The following PDE4D variants were observed in gnomAD, a reference collection of about 807,000 sequenced individuals.
PDE4D encodes the protein 3',5'-cyclic-AMP phosphodiesterase 4D.
PDE4D carries 24 observed loss-of-function variants against 87.4 expected under a neutral mutation model. The observed-to-expected ratio is 0.27, with a 90% confidence interval of 0.20 to 0.39. PDE4D has a LOEUF of 0.39. Among genes scored for constraint, PDE4D ranks in the 10% least tolerant of loss-of-function variants. PDE4D has a pLI of 1.00. For synonymous variants in PDE4D, 384 were observed against 383.2 expected (o/e 1.00, Z -0.02); for missense variants, 714 against 1,041.0 (o/e 0.69, Z 4.32).
chr5:59,671,270 T>C (rs1747150825), intron 1 of PDE4D, among the ~76,000 whole-genome samples: 1 of 152,024 alleles, frequency 6.6e-6, no homozygotes, highest in South Asian at 2.1e-4. Context: ...TCATCAGAGA[T>C]CCAAATAGCA....
intron 1 of PDE4D, among the ~76,000 whole-genome samples, chr5:60,211,219 C>T (rs925847086): frequency 2.0e-5 from 3 of 152,200 alleles, no homozygotes; most frequent in Non-Finnish European, 4.4e-5. Context: ...GGGACCCTCA[C>T]ATTAGCTCGT....
At chr5:60,137,088 G>A (rs1418510069) in intron 2 of PDE4D, among the ~76,000 whole-genome samples, 1 of 152,144 alleles carries the variant, frequency 6.6e-6, no homozygotes, top group Non-Finnish European at 1.5e-5. Flanking sequence ...ACATTAATTT[G>A]CTAAGGATAG....
At chr5:59,025,203 A>G (rs1755977910) in intron 6 of PDE4D, among the ~76,000 whole-genome samples, 1 of 152,202 alleles carries the variant, frequency 6.6e-6, no homozygotes, top group Admixed American at 6.5e-5. Flanking sequence ...CTCTTTATTA[A>G]AAACTGTGAT....
intron 6 of PDE4D, among the ~76,000 whole-genome samples, chr5:58,998,707 T>C (rs1431372833): frequency 6.6e-6 from 1 of 152,102 alleles, no homozygotes; most frequent in African/African-American, 2.4e-5. Context: ...AGAAAATGAA[T>C]CTTTTAAAAT....
At chr5:60,440,951 T>A (rs1290680728) in intron 1 of PDE4D, among the ~76,000 whole-genome samples, 4 of 152,092 alleles carry the variant, frequency 2.6e-5, no homozygotes, top group Non-Finnish European at 5.9e-5. Flanking sequence ...GTTAAACATG[T>A]AGGAAATTAA....
intron 3 of PDE4D, among the ~76,000 whole-genome samples, chr5:59,923,190 A>G (rs908845502): frequency 6.6e-6 from 1 of 152,158 alleles, no homozygotes; most frequent in Non-Finnish European, 1.5e-5. Flanking sequence ...TCAGTCACGT[A>G]AAATAGAACA....
intron 1 of PDE4D, among the ~76,000 whole-genome samples, chr5:59,585,531 G>T (rs1023722610): frequency 6.6e-6 from 1 of 152,140 alleles, no homozygotes; most frequent in Non-Finnish European, 1.5e-5. Context: ...TTTCTGCTAT[G>T]AAAGTCAGAA....
At position 59,631,107 on chromosome 5, in the gene PDE4D, C is replaced by T. The variant is rs138979845; in HGVS notation, c.455+262061G>A. On this transcript the variant is annotated intron_variant, in intron 1 of 14. Transcript: ENST00000340635. ...ATTACTTTGAAGTACTTTTTGAGTA[C>T]TTATTTTGTACCAAGCACATGGCCA... is the stretch of plus-strand genomic sequence containing the variant. Among the ~76,000 whole-genome samples the T allele has an allele frequency of 2.0e-5, 3 of 152,208 alleles. No individual in the cohort carries two copies. In the East Asian group the frequency reaches 5.8e-4, roughly 29 times the overall value.
At chr5:60,203,175 T>C (rs914022252) in intron 1 of PDE4D, among the ~76,000 whole-genome samples, 1 of 152,182 alleles carries the variant, frequency 6.6e-6, no homozygotes, top group Non-Finnish European at 1.5e-5. Context: ...TTCATCATGT[T>C]GGCCAGGCTG....
At chr5:60,225,526 C>T (rs762522397) in intron 1 of PDE4D, among the ~76,000 whole-genome samples, 4 of 151,944 alleles carry the variant, frequency 2.6e-5, no homozygotes, top group Admixed American at 6.6e-5. Context: ...GCTTCTGTCT[C>T]TTACATTAGT....
intron 2 of PDE4D, among the ~76,000 whole-genome samples, chr5:60,042,352 G>A (rs13190681): frequency 0.15 from 23,378 of 152,188 alleles, 1,828 homozygotes; most frequent in Middle Eastern, 0.23. Context: ...CTGGGGGAAG[G>A]GGTGCCTGTA....
intron 2 of PDE4D, chr5:60,160,788 T>C (rs1782410251): frequency 2.2e-6 from 1 of 451,850 alleles, no homozygotes; most frequent in Non-Finnish European, 4.4e-6. Context: ...AGTATTCCTG[T>C]CTTCCTCTCC....
Position 59,515,614 on chromosome 5 carries a change from G to A in PDE4D, c.456-299646C>T, listed in dbSNP as rs74885343. On this transcript the variant is annotated intron_variant, in intron 1 of 14. Coordinates refer to ENST00000340635, the MANE Select transcript of PDE4D (RefSeq NM_001104631.2). ...TTGAAAAGTTTCTAAATATTTGTTCGATATAAAAATTATTAGATTTGGATA... is the reference window on the plus strand; with the variant it reads ...TTGAAAAGTTTCTAAATATTTGTTCAATATAAAAATTATTAGATTTGGATA... 1.9e-3 allele frequency among the ~76,000 whole-genome samples: 295 copies of A among 152,234 alleles called. 6 individuals are homozygous for A. The East Asian group carries it at 0.044, about 22-fold the overall frequency.
Position 60,474,114 on chromosome 5 carries a change from A to ATATGTG in PDE4D, c.-90+13827_-90+13828insCACATA, listed in dbSNP as rs1554041518. Among the ~76,000 whole-genome samples the ATATGTG allele has an allele frequency of 9.8e-4, 77 of 78,918 alleles. 2 individuals are homozygous for ATATGTG. The highest frequency in any genetic ancestry group is 2.5e-3 in the South Asian group (6 of 2,374). 51.8% of individuals were successfully genotyped at this position (78,918 alleles called of 152,430 possible). A position where few individuals can be genotyped will look rare whatever the true frequency, so the allele number is the denominator to read the frequency against. On this transcript the variant is annotated intron_variant, in intron 1 of 16. Transcript: ENST00000502484. ...AGTCCCTTTGAGCTGCCATATATAT[A>ATATGTG]TATATATATATATATATATATATAT...
intron 1 of PDE4D, among the ~76,000 whole-genome samples, chr5:60,431,963 C>A (rs528575679): frequency 6.6e-6 from 1 of 152,332 alleles, no homozygotes; most frequent in African/African-American, 2.4e-5. Context: ...ATCGCAGGCA[C>A]TCGCAGGCTG....
chr5:60,175,495 G>A (rs988867344), intron 2 of PDE4D, among the ~76,000 whole-genome samples: 16 of 152,044 alleles, frequency 1.1e-4, no homozygotes, highest in Admixed American at 2.6e-4. Flanking sequence ...GCTGAAAGCC[G>A]GATATCTTGT....
At chr5:60,326,041 C>CCA (rs1224749537) in intron 1 of PDE4D, among the ~76,000 whole-genome samples, 1 of 151,682 alleles carries the variant, frequency 6.6e-6, no homozygotes, top group East Asian at 1.9e-4. Context: ...TGTAGATGTA[C>CCA]CACAGTTTGT....
intron 1 of PDE4D, among the ~76,000 whole-genome samples, chr5:59,253,382 A>G (rs1267608864): frequency 1.3e-5 from 2 of 152,146 alleles, no homozygotes; most frequent in Non-Finnish European, 1.5e-5. Flanking sequence ...TTCATAAACA[A>G]ATACTTCAGG....
At chr5:60,086,371 G>T (rs1186552711) in intron 2 of PDE4D, among the ~76,000 whole-genome samples, 1 of 152,118 alleles carries the variant, frequency 6.6e-6, no homozygotes, top group Non-Finnish European at 1.5e-5. Context: ...CAAAAGAACT[G>T]CTAGATATTA....
Sources: allele counts gnomAD v4.1 joint callset (sites outside exome capture counted in the v4.1 genomes callset), GRCh38; gene constraint gnomAD v4.1.1; transcripts MANE v1.5; gene names NCBI Gene and HGNC (gene_info 2026-07-23, HGNC 2026-07-21).